GFRA1: variants seen among roughly 807,000 people sequenced by gnomAD.
GFRA1 encodes the protein GDNF family receptor alpha 1.
GFRA1 carries 16 observed loss-of-function variants against 51.6 expected under a neutral mutation model. The ratio of observed to expected loss-of-function variants is 0.31; its 90% CI spans 0.21 to 0.47. The LOEUF (loss-of-function observed/expected upper bound fraction) is 0.47. Among genes scored for constraint, GFRA1 ranks in the 20% least tolerant of loss-of-function variants. The pLI is 1.00. For synonymous variants in GFRA1, 270 were observed against 241.3 expected (o/e 1.12, Z -1.10); for missense variants, 530 against 594.3 (o/e 0.89, Z 1.13).
chr10:116,249,965 TCTC>T (rs1478066872), intron 4 of GFRA1, among the ~76,000 whole-genome samples: 2 of 152,090 alleles, frequency 1.3e-5, no homozygotes, highest in African/African-American at 4.8e-5. Context: ...AGCGAAGTGG[TCTC>T]CTTTTTATGG....
Position 116,089,882 on chromosome 10 carries a change from G to C in GFRA1, c.1056C>G (p.Thr352=), listed in dbSNP as rs758446157. The C allele has an allele frequency of 6.2e-7, 1 of 1,613,920 alleles. No homozygotes were observed. Among genetic ancestry groups the C allele is most frequent in the African/African-American group, 1.3e-5 (1 of 74,894 alleles). The change falls in exon 9 of 11, where the codon ACC becomes ACG. Residue 352 remains threonine, a synonymous_variant. Coordinates refer to ENST00000355422, the MANE Select transcript of GFRA1 (RefSeq NM_005264.8). ...GTACTGGGAAGGCTGGCTGCCACAC[G>C]GTCACATCGGAGCCATTGCCAAAGG... is the stretch of plus-strand genomic sequence containing the variant. ...IQAFGNGSDV[T]VWQPAFPVQT...
intron 9 of GFRA1, among the ~76,000 whole-genome samples, chr10:116,077,064 A>G (rs183160257): frequency 2.4e-4 from 36 of 152,272 alleles, no homozygotes; most frequent in Admixed American, 4.6e-4. Flanking sequence ...AAGAGACTTT[A>G]TAAGAGTTAG....
chr10:116,129,209 G>C (rs1384616684), intron 5 of GFRA1, among the ~76,000 whole-genome samples: 1 of 152,080 alleles, frequency 6.6e-6, no homozygotes, highest in Non-Finnish European at 1.5e-5. Context: ...CCAAATACCA[G>C]AACTGAACAA....
chr10:116,110,648 A>ATCT (rs1446201923), intron 6 of GFRA1, among the ~76,000 whole-genome samples: 8 of 152,202 alleles, frequency 5.3e-5, no homozygotes, highest in Non-Finnish European at 7.3e-5. Context: ...GAGACTGTTC[A>ATCT]TCTTCAGCTT....
At chr10:116,229,681 A>G (rs937384856) in intron 4 of GFRA1, among the ~76,000 whole-genome samples, 1 of 152,182 alleles carries the variant, frequency 6.6e-6, no homozygotes, top group Admixed American at 6.5e-5. Context: ...AAACAGACCT[A>G]TGATGCTTCC....
At chr10:116,260,285 C>T (rs1969202258) in intron 4 of GFRA1, among the ~76,000 whole-genome samples, 1 of 152,202 alleles carries the variant, frequency 6.6e-6, no homozygotes, top group African/African-American at 2.4e-5. Context: ...AACTGAAACA[C>T]GTGTCAAGGA....
At chr10:116,114,786 G>A (rs1401994805) in intron 6 of GFRA1, among the ~76,000 whole-genome samples, 1 of 152,108 alleles carries the variant, frequency 6.6e-6, no homozygotes. Flanking sequence ...AAAACTGGTT[G>A]GAAAAGTGAA....
chr10:116,159,153 T>C (rs1036889114), intron 5 of GFRA1, among the ~76,000 whole-genome samples: 14 of 152,004 alleles, frequency 9.2e-5, no homozygotes, highest in African/African-American at 3.4e-4. Flanking sequence ...CACAAACCAG[T>C]TTCTCACCTG....
chr10:116,148,044 G>A (rs995594241), intron 5 of GFRA1, among the ~76,000 whole-genome samples: 18 of 67,222 alleles, frequency 2.7e-4, no homozygotes, highest in African/African-American at 8.4e-4. Flanking sequence ...GTGCATGTGC[G>A]TGTGTGCATG....
intron 5 of GFRA1, among the ~76,000 whole-genome samples, chr10:116,176,760 C>T (rs1357611230): frequency 7.0e-6 from 1 of 142,586 alleles, no homozygotes; most frequent in East Asian, 2.3e-4. Flanking sequence ...TTCCTCACAA[C>T]CAGCAATGTT....
intron 4 of GFRA1, among the ~76,000 whole-genome samples, chr10:116,240,438 G>A (rs890584259): frequency 4.6e-5 from 7 of 152,158 alleles, no homozygotes; most frequent in African/African-American, 9.7e-5. Context: ...CTCATAAGCT[G>A]TAACAAAATC....
Position 116,115,130 on chromosome 10 carries a change from C to G in GFRA1, c.770+10091G>C, listed in dbSNP as rs1441865729. Among the ~76,000 whole-genome samples the G allele has an allele frequency of 2.0e-5, 3 of 152,196 alleles. No homozygotes were observed. The East Asian group carries it at 5.8e-4, about 29-fold the overall frequency. ...CTTGTTTTTCTTGGATGCAAAATTT[C>G]CTGCATAATTAATTGCCTTTGGAAA... On this transcript the variant is annotated intron_variant, in intron 6 of 10. Coordinates refer to ENST00000355422, the MANE Select transcript of GFRA1 (RefSeq NM_005264.8).
chr10:116,206,622 CTTTTTTT>C (rs5788142), intron 5 of GFRA1, among the ~76,000 whole-genome samples: 4 of 84,494 alleles, frequency 4.7e-5, no homozygotes, highest in Admixed American at 1.7e-4. Context: ...ACCACATTCT[CTTTTTTT>C]TTTTTTTTTT....
At chr10:116,065,865 T>A (rs897713820) in intron 9 of GFRA1, among the ~76,000 whole-genome samples, 2 of 152,186 alleles carry the variant, frequency 1.3e-5, no homozygotes, top group Non-Finnish European at 2.9e-5. Context: ...GTACTCAATA[T>A]TAATAAGATA....
At chr10:116,086,741 C>T (rs1009234651) in intron 9 of GFRA1, among the ~76,000 whole-genome samples, 7 of 152,220 alleles carry the variant, frequency 4.6e-5, no homozygotes, top group African/African-American at 1.4e-4. Flanking sequence ...TGTTCCTCCA[C>T]AGCCCCACGC....
At chr10:116,254,685 G>T (rs1292363966) in intron 4 of GFRA1, among the ~76,000 whole-genome samples, 1 of 152,160 alleles carries the variant, frequency 6.6e-6, no homozygotes, top group African/African-American at 2.4e-5. Flanking sequence ...AAATGCTCCT[G>T]GGAACCAGTA....
At chr10:116,274,558 C>G (rs944824394), upstream of GFRA1, among the ~76,000 whole-genome samples, 1 of 152,164 alleles carries the variant, frequency 6.6e-6, no homozygotes, top group South Asian at 2.1e-4. Flanking sequence ...GCGCGCCCCT[C>G]GGCTGCAGCG....
intron 5 of GFRA1, among the ~76,000 whole-genome samples, chr10:116,161,501 G>A (rs1391877717): frequency 6.6e-6 from 1 of 152,142 alleles, no homozygotes; most frequent in East Asian, 1.9e-4. Context: ...CTATTGATAT[G>A]GTTTGTCTGT....
intron 4 of GFRA1, among the ~76,000 whole-genome samples, chr10:116,222,034 C>G (rs1050582561): frequency 2.0e-5 from 3 of 151,976 alleles, no homozygotes; most frequent in Non-Finnish European, 2.9e-5. Flanking sequence ...GACTGAGCTG[C>G]AAAGATCTAT....
Sources: allele counts gnomAD v4.1 joint callset (sites outside exome capture counted in the v4.1 genomes callset), GRCh38; gene constraint gnomAD v4.1.1; transcripts MANE v1.5; gene names NCBI Gene and HGNC (gene_info 2026-07-23, HGNC 2026-07-21).